The following ABTB2 variants were observed in gnomAD, a reference collection of about 807,000 sequenced individuals.
The protein encoded by ABTB2 is ankyrin repeat and BTB/POZ domain-containing protein 2.
Under a neutral mutation model 104.1 loss-of-function variants are expected in ABTB2, and 56 were observed. That is an observed-to-expected ratio of 0.54 (90% CI 0.43 to 0.67). ABTB2 has a LOEUF of 0.67. Ranked by LOEUF, ABTB2 falls within the 30% of genes least tolerant of loss-of-function variation. ABTB2 has a pLI of 0.00. For missense variants in ABTB2, 1,279 were observed against 1,407.7 expected, an observed-to-expected ratio of 0.91 and a Z score of 1.46; for synonymous variants, 606 against 608.2, an observed-to-expected ratio of 1.00 and a Z score of 0.05.
Position 34,356,840 on chromosome 11 carries a change from G to A in ABTB2, c.744C>T (p.Ala248=), listed in dbSNP as rs1415837679. ...CCCCTCCGCCATCAGGGCTGTGGCT[G>A]GCCATCACCCTGGCCCGGATCTCCT... is the stretch of plus-strand genomic sequence containing the variant. The part of the protein sequence containing the change: ...LVEEIRARVM[A]SHSPDGGGAG... Residue 248 remains alanine, a synonymous_variant, in exon 1 of 17, where the codon GCC becomes GCT. Transcript: ENST00000435224. The surrounding 1 kb of genome is among the most constrained non-coding windows in gnomAD (Gnocchi z 4.6). 1.2e-6 allele frequency: 2 copies of A among 1,605,502 alleles called. No individual in the cohort carries two copies. Among genetic ancestry groups the A allele is most frequent in the South Asian group, 2.2e-5 (2 of 89,634 alleles).
intron 7 of ABTB2, 67 bp downstream of exon 7, chr11:34,167,192 G>A (rs1455425689): frequency 7.0e-7 from 1 of 1,424,334 alleles, no homozygotes; most frequent in Non-Finnish European, 9.7e-7. Flanking sequence ...CTGAGGCTGG[G>A]GCTGTGCTTG....
Position 34,288,107 on chromosome 11 carries a change from C to T in ABTB2, c.883+68594G>A, listed in dbSNP as rs139873670. ...CTAAATTTTATTTTTCCAGATATTT[C>T]AACTCATTTCCCCCAATATTTTATT... On this transcript the variant is annotated intron_variant, in intron 1 of 16. Transcript: ENST00000435224. Among the ~76,000 whole-genome samples the T allele has an allele frequency of 2.0e-5, 3 of 152,276 alleles. No homozygotes were observed. The East Asian group carries it at 5.8e-4, about 29-fold the overall frequency.
intron 1 of ABTB2, among the ~76,000 whole-genome samples, chr11:34,248,114 A>ATTTTTTTTT (rs1363625721): frequency 7.1e-5 from 9 of 126,328 alleles, no homozygotes; most frequent in Non-Finnish European, 9.9e-5. Flanking sequence ...AAAAAAAAAA[A>ATTTTTTTTT]AAAAAAAACA....
chr11:34,222,839 C>A (rs543788191), intron 1 of ABTB2, among the ~76,000 whole-genome samples: 6 of 152,260 alleles, frequency 3.9e-5, no homozygotes, highest in African/African-American at 1.4e-4. Flanking sequence ...GCACACAGAA[C>A]CAAAATAGGA....
intron 1 of ABTB2, among the ~76,000 whole-genome samples, chr11:34,294,552 T>G (rs965487524): frequency 2.0e-5 from 3 of 151,962 alleles, no homozygotes; most frequent in African/African-American, 4.8e-5. Context: ...TGAAAGACAA[T>G]GTGCATGAGG....
intron 1 of ABTB2, among the ~76,000 whole-genome samples, chr11:34,276,753 T>C (rs1473974980): frequency 6.6e-6 from 1 of 152,096 alleles, no homozygotes; most frequent in Non-Finnish European, 1.5e-5. Context: ...ATAAACAAGG[T>C]GCGCTGCTGA....
intron 2 of ABTB2, among the ~76,000 whole-genome samples, chr11:34,198,190 C>G (rs905162761): frequency 1.3e-5 from 2 of 152,070 alleles, no homozygotes; most frequent in African/African-American, 4.8e-5. Context: ...TTGGGGAGGC[C>G]GAGGCAGGTG....
At chr11:34,152,659 CCT>C in intron 16 of ABTB2, 75 bp from the exon 17 acceptor site, 2 of 1,417,092 alleles carry the variant, frequency 1.4e-6, no homozygotes, top group Non-Finnish European at 1.9e-6. Context: ...CCAAATACTA[CCT>C]ACCCATGGCC....
chr11:34,195,113 A>G, intron 3 of ABTB2, among the ~76,000 whole-genome samples: 2 of 131,900 alleles, frequency 1.5e-5, no homozygotes, highest in Admixed American at 8.1e-5. Context: ...GTGCCAGCAG[A>G]GGAATGACTG....
chr11:34,218,935 A>G (rs1853581935), intron 1 of ABTB2, among the ~76,000 whole-genome samples: 1 of 147,982 alleles, frequency 6.8e-6, no homozygotes, highest in South Asian at 2.1e-4. Flanking sequence ...ATGTAGGCCT[A>G]TTTCTGGGCT....
intron 5 of ABTB2, among the ~76,000 whole-genome samples, chr11:34,170,503 T>C (rs1565130932): frequency 6.6e-6 from 1 of 152,226 alleles, no homozygotes; most frequent in East Asian, 1.9e-4. Flanking sequence ...CTTATCTGTC[T>C]CCTGCACTAA....
intron 3 of ABTB2, among the ~76,000 whole-genome samples, chr11:34,188,234 C>T (rs768561995): frequency 6.6e-6 from 1 of 152,200 alleles, no homozygotes; most frequent in East Asian, 1.9e-4. Context: ...AAGAACCCAA[C>T]CATTAGGTTC....
chr11:34,236,906 T>C (rs1853851584), intron 1 of ABTB2, among the ~76,000 whole-genome samples: 1 of 152,190 alleles, frequency 6.6e-6, no homozygotes, highest in African/African-American at 2.4e-5. Flanking sequence ...AGCTATTATC[T>C]GTGGGGGAAA....
chr11:34,290,252 T>C (rs926495781), intron 1 of ABTB2, among the ~76,000 whole-genome samples: 2 of 152,190 alleles, frequency 1.3e-5, no homozygotes, highest in Non-Finnish European at 2.9e-5. Context: ...CCTTGCACGA[T>C]CCCATGAATA....
chr11:34,245,156 A>G (rs118096473), intron 1 of ABTB2, among the ~76,000 whole-genome samples: 2 of 152,314 alleles, frequency 1.3e-5, no homozygotes, highest in South Asian at 4.1e-4. Flanking sequence ...TGACTGACAC[A>G]TGCCTCATCT....
intron 1 of ABTB2, among the ~76,000 whole-genome samples, chr11:34,221,543 G>GCC (rs202020584): frequency 0.017 from 2,624 of 152,136 alleles, 77 homozygotes; most frequent in African/African-American, 0.061. Context: ...AGCCTGGCTG[G>GCC]CTGTGCCTGT....
At chr11:34,213,618 T>C (rs1211966850) in intron 1 of ABTB2, among the ~76,000 whole-genome samples, 1 of 152,190 alleles carries the variant, frequency 6.6e-6, no homozygotes, top group Non-Finnish European at 1.5e-5. Context: ...AGGATGACTA[T>C]TAGGTGCCTG....
At chr11:34,159,548 A>G (rs1194709481) in intron 13 of ABTB2, among the ~76,000 whole-genome samples, 162 bp from the exon 14 acceptor site, 2 of 152,168 alleles carry the variant, frequency 1.3e-5, no homozygotes, top group African/African-American at 4.8e-5. Flanking sequence ...ATTTTACACC[A>G]TCTTAGGAAG....
intron 3 of ABTB2, among the ~76,000 whole-genome samples, chr11:34,193,696 C>T (rs565751108): frequency 2.0e-4 from 31 of 152,230 alleles, no homozygotes; most frequent in Non-Finnish European, 4.1e-4. Flanking sequence ...TTTGTCCTAC[C>T]GGATAGAATT....
Sources: gnomAD v4.1 joint callset for allele counts (sites outside exome capture counted in the v4.1 genomes callset) on GRCh38, gnomAD v4.1.1 for gene constraint, Gnocchi (gnomAD v3.1) non-coding constraint, MANE v1.5 for transcripts, NCBI Gene and HGNC (gene_info 2026-07-23, HGNC 2026-07-21) for gene names.